PACS1: variants seen among roughly 807,000 people sequenced by gnomAD.
PACS1 encodes the protein PACS-1.
In PACS1, 24 loss-of-function variants were observed where a neutral mutation model predicts 115.0. That is an observed-to-expected ratio of 0.21 (90% CI 0.15 to 0.29). PACS1 has a LOEUF of 0.29. PACS1 is among the 10% of genes least tolerant of loss of function. The pLI, the probability that PACS1 is intolerant of heterozygous loss-of-function variation, is 1.00. For missense variants in PACS1, 838 were observed against 1,251.2 expected (o/e 0.67, Z 4.98); for synonymous variants, 453 against 504.5 (o/e 0.90, Z 1.37).
chr11:66,114,626 T>G (rs1858263564), intron 1 of PACS1, among the ~76,000 whole-genome samples: 1 of 152,008 alleles, frequency 6.6e-6, no homozygotes, highest in Admixed American at 6.6e-5. Flanking sequence ...GTTTTTAGGG[T>G]CTTTCATTTC....
Position 66,241,601 on chromosome 11 carries a change from G to A in PACS1, c.2604G>A (p.Gln868=), listed in dbSNP as rs879021669. The change falls in exon 22 of 24, where the codon CAG becomes CAA. Residue 868 remains glutamine, a synonymous_variant. Coordinates refer to ENST00000320580, the MANE Select transcript of PACS1 (RefSeq NM_018026.4). ...VSRLPHSGEA[Q]LSGTMAMTVV... is the part of the protein sequence containing the mutation. ...GCCTGCCCCATAGTGGGGAGGCCCA[G>A]CTTTCTGGCACCATGGCCATGACTG... 1 of 1,614,106 alleles carries A rather than the reference G, an allele frequency of 6.2e-7. No homozygotes were observed. The highest frequency in any genetic ancestry group is 8.5e-7 in the Non-Finnish European group (1 of 1,179,940).
At chr11:66,232,857 CAG>C (rs1305309226) in intron 14 of PACS1, 101 bp from the exon 15 acceptor site, 6 of 848,158 alleles carry the variant, frequency 7.1e-6, no homozygotes, top group Non-Finnish European at 7.8e-6. Flanking sequence ...CTGCAGAGGA[CAG>C]GGGCCCTGCA....
At chr11:66,088,687 C>T (rs918012383) in intron 1 of PACS1, among the ~76,000 whole-genome samples, 3 of 152,148 alleles carry the variant, frequency 2.0e-5, no homozygotes, top group South Asian at 2.1e-4. Context: ...TGTGTCTTCC[C>T]GCTTTGTGCT....
intron 1 of PACS1, among the ~76,000 whole-genome samples, chr11:66,138,063 G>C (rs1858889733): frequency 6.6e-6 from 1 of 151,188 alleles, no homozygotes; most frequent in Non-Finnish European, 1.5e-5. Flanking sequence ...GTAGGTCTGG[G>C]GTAGGCCAAG....
chr11:66,216,677 G>C lies in PACS1; in HGVS notation c.898-18G>C, dbSNP rs1415917313. The C allele has an allele frequency of 1.3e-5, 21 of 1,612,952 alleles. No homozygotes were observed. The highest frequency in any genetic ancestry group is 1.6e-5 in the Non-Finnish European group (19 of 1,179,102). Reference sequence around the variant, plus strand: ...TCCTGGGGTTTCCCACCCTCATTCTGTCCCTGTACCCACTTAGGACTTGTT... The same window carrying C: ...TCCTGGGGTTTCCCACCCTCATTCTCTCCCTGTACCCACTTAGGACTTGTT... On this transcript the variant is annotated intron_variant, in intron 6 of 23. Coordinates refer to ENST00000320580, the MANE Select transcript of PACS1 (RefSeq NM_018026.4).
intron 1 of PACS1, among the ~76,000 whole-genome samples, chr11:66,152,716 G>A (rs1040664716): frequency 6.6e-6 from 1 of 152,154 alleles, no homozygotes; most frequent in Non-Finnish European, 1.5e-5. Flanking sequence ...AGCACATTAC[G>A]TCTCTGAACT....
At position 66,070,587 on chromosome 11, in the gene PACS1, C is replaced by CGCA. The variant is rs749515977; in HGVS notation, c.119_121dup (p.Gln40dup). Reference sequence around the variant, plus strand: ...GCCCAGTCCCCTCAGCAGCCGCCGCCGCAGCAGCAGCAGCAGCAGCCGCCG... The same window carrying CGCA: ...GCCCAGTCCCCTCAGCAGCCGCCGCCGCAGCAGCAGCAGCAGCAGCAGCCGCCG... On this transcript the variant is annotated inframe_insertion, in exon 1 of 24. Transcript: ENST00000320580. This position sits in a 1 kb window ranked among gnomAD's most constrained non-coding sequence, Gnocchi z 5.9. 1.3e-4 allele frequency: 198 copies of CGCA among 1,493,842 alleles called. No homozygotes were observed. The highest frequency in any genetic ancestry group is 2.2e-4 in the Middle Eastern group (1 of 4,584). The allele number at this position is 1,493,842 out of a possible 1,614,324, so 92.5% of individuals were successfully genotyped here.
intron 2 of PACS1, among the ~76,000 whole-genome samples, chr11:66,202,742 A>AAAAATATATATATATATAT (rs1200930188): frequency 1.4e-5 from 1 of 71,606 alleles, no homozygotes; most frequent in Non-Finnish European, 2.3e-5. Flanking sequence ...AAAAAAAAAA[A>AAAAATATATATATATATAT]ATATATATAT....
intron 2 of PACS1, among the ~76,000 whole-genome samples, chr11:66,204,713 C>T (rs1258868691): frequency 6.6e-6 from 1 of 152,106 alleles, no homozygotes; most frequent in Non-Finnish European, 1.5e-5. Flanking sequence ...GAAAGACATA[C>T]TTTGAATGTT....
intron 23 of PACS1, 49 bp downstream of exon 23, chr11:66,243,080 G>T: frequency 6.2e-7 from 1 of 1,612,910 alleles, no homozygotes; most frequent in Non-Finnish European, 8.5e-7. Flanking sequence ...GGACTGGAGA[G>T]GGAGGCAGGC....
In PACS1 at chr11:66,208,702, G is replaced by A. The variant is rs1003676825; in HGVS notation, c.445-1660G>A. 2.7e-5 allele frequency among the ~76,000 whole-genome samples: 4 copies of A among 147,310 alleles called. No homozygotes were observed. The South Asian group carries it at 6.5e-4, about 24-fold the overall frequency. On this transcript the variant is annotated intron_variant, in intron 2 of 23. Coordinates refer to ENST00000320580, the MANE Select transcript of PACS1 (RefSeq NM_018026.4). ...GAAGAAAAAGAAAGAAAGGAAGGAA[G>A]GAAAGAAAGAAAAAAATCATTCCCT...
chr11:66,079,835 T>C (rs1224504321), intron 1 of PACS1, among the ~76,000 whole-genome samples: 1 of 152,190 alleles, frequency 6.6e-6, no homozygotes, highest in East Asian at 1.9e-4. Context: ...CCTTCCCATG[T>C]CTTTGACCTC....
intron 10 of PACS1, among the ~76,000 whole-genome samples, chr11:66,224,373 C>T (rs567221793): frequency 6.3e-4 from 96 of 152,248 alleles, no homozygotes; most frequent in African/African-American, 2.1e-3. Context: ...TTTGCTTCCT[C>T]ATCTACAAGG....
chr11:66,137,326 A>C (rs1053523752), intron 1 of PACS1, among the ~76,000 whole-genome samples: 4 of 152,052 alleles, frequency 2.6e-5, no homozygotes, highest in African/African-American at 9.7e-5. Flanking sequence ...ATAAGATGTG[A>C]GGTAGGGGTT....
At chr11:66,082,778 C>T (rs1244665990) in intron 1 of PACS1, among the ~76,000 whole-genome samples, 1 of 152,154 alleles carries the variant, frequency 6.6e-6, no homozygotes, top group Non-Finnish European at 1.5e-5. Flanking sequence ...TCGCTTGAAC[C>T]CGAGAGGCAG....
At chr11:66,121,097 G>T (rs1334406609) in intron 1 of PACS1, 1 of 455,814 alleles carries the variant, frequency 2.2e-6, no homozygotes, top group Non-Finnish European at 4.4e-6. Flanking sequence ...TTTTCTAATA[G>T]CATGTGCTTA....
chr11:66,188,203 G>A (rs1590806338), intron 1 of PACS1, among the ~76,000 whole-genome samples: 1 of 94,920 alleles, frequency 1.1e-5, no homozygotes, highest in African/African-American at 4.3e-5. Flanking sequence ...TCAGTTCTTT[G>A]TATATTCTGG....
At chr11:66,196,449 G>T (rs1199261977) in intron 2 of PACS1, among the ~76,000 whole-genome samples, 4 of 152,090 alleles carry the variant, frequency 2.6e-5, no homozygotes, top group Non-Finnish European at 4.4e-5. Context: ...CACAGTAGCT[G>T]CTTTTTTCAT....
At chr11:66,109,427 G>A (rs994738725) in intron 1 of PACS1, among the ~76,000 whole-genome samples, 2 of 152,162 alleles carry the variant, frequency 1.3e-5, no homozygotes, top group African/African-American at 4.8e-5. Flanking sequence ...AGAGAAGGTC[G>A]CATATGGTCT....
Sources: allele counts gnomAD v4.1 joint callset (sites outside exome capture counted in the v4.1 genomes callset), GRCh38; gene constraint gnomAD v4.1.1; non-coding constraint Gnocchi (gnomAD v3.1); transcripts MANE v1.5; gene names NCBI Gene and HGNC (gene_info 2026-07-23, HGNC 2026-07-21).